Variants in CLEC2D observed in about 807,000 individuals in gnomAD.
The protein encoded by CLEC2D is C-type lectin domain family 2 member D.
In CLEC2D, 16 loss-of-function variants were observed where a neutral mutation model predicts 20.0. The ratio of observed to expected loss-of-function variants is 0.80; its 90% CI spans 0.54 to 1.22. The LOEUF is 1.22. Among genes scored for constraint, CLEC2D ranks in the 50% most tolerant of loss-of-function variants. The probability of loss-of-function intolerance (pLI) is 0.00; values close to 1 mark genes in which losing one functional copy is unlikely to be tolerated. For synonymous variants in CLEC2D, 77 were observed against 71.1 expected (o/e 1.08, Z -0.42); for missense variants, 207 against 221.5 (o/e 0.93, Z 0.42).
At position 9,694,756 on chromosome 12, in the gene CLEC2D, G is replaced by T. The variant is rs769718760; in HGVS notation, c.462-4G>T. On this transcript the variant is annotated splice_region_variant and splice_polypyrimidine_tract_variant and intron_variant, in intron 4 of 4. Transcript: ENST00000290855. ...GCCAACTGATTCTGCTTCTTCTCTT[G>T]CAGGTTTCCTATCCTGGGAGCAGGA... 8 of 1,558,608 alleles carry T rather than the reference G, an allele frequency of 5.1e-6. No individual in the cohort carries two copies. In the South Asian group the frequency reaches 6.7e-5, roughly 13 times the overall value.
chr12:9,678,743 G>A (rs926073817), intron 1 of CLEC2D, among the ~76,000 whole-genome samples: 4 of 152,216 alleles, frequency 2.6e-5, no homozygotes, highest in East Asian at 1.9e-4. Flanking sequence ...TCTTTGCTAC[G>A]TTGCCCAGGC....
At position 9,695,610 on chromosome 12, in the gene CLEC2D, G is replaced by A; in HGVS notation, c.*736G>A. 2 of 1,553,468 alleles carry A rather than the reference G, an allele frequency of 1.3e-6. No individual in the cohort carries two copies. Among genetic ancestry groups the A allele is most frequent in the East Asian group, 2.2e-5 (1 of 44,576 alleles). ...AAGGCAGTCCAATTAAAGTAACACTGGCAACTTTGAAAATGTCTGTACAGC... is the reference window on the plus strand; with the variant it reads ...AAGGCAGTCCAATTAAAGTAACACTAGCAACTTTGAAAATGTCTGTACAGC... On this transcript the variant is annotated 3_prime_UTR_variant, in exon 5 of 5. Transcript: ENST00000290855.
intron 2 of CLEC2D, among the ~76,000 whole-genome samples, chr12:9,682,847 A>G (rs1865663365): frequency 1.3e-5 from 2 of 152,168 alleles, no homozygotes; most frequent in Admixed American, 6.5e-5. Context: ...ATGTGTCTTT[A>G]TAGTAGAATG....
rs901250899 is a variant in CLEC2D at position 9,671,151 on chromosome 12, GA to G, written c.61+1365del. 1.7e-4 allele frequency among the ~76,000 whole-genome samples: 25 copies of G among 150,624 alleles called. 1 individual carries two copies. The highest frequency in any genetic ancestry group is 4.9e-4 in the African/African-American group (20 of 41,116). On this transcript the variant is annotated intron_variant, in intron 1 of 4. Transcript: ENST00000290855. ...GTGGCAGACGGACAGTGAGAAAGAAGAAAAAAAAAGCAAGAGGTTTGGCCCC... is the reference window on the plus strand; with the variant it reads ...GTGGCAGACGGACAGTGAGAAAGAAGAAAAAAAAGCAAGAGGTTTGGCCCC...
chr12:9,690,124 A>G (rs187051162), intron 3 of CLEC2D, among the ~76,000 whole-genome samples: 7 of 152,250 alleles, frequency 4.6e-5, no homozygotes, highest in Admixed American at 4.6e-4. Context: ...GAAGCAACTC[A>G]TCATTTACAT....
At chr12:9,687,776 A>G (rs1865779632) in intron 2 of CLEC2D, 126 bp from the exon 3 acceptor site, 3 of 538,016 alleles carry the variant, frequency 5.6e-6, no homozygotes, top group South Asian at 9.6e-5. Context: ...TTCTCACTTG[A>G]AAAATGAAAA....
chr12:9,678,822 T>A (rs1331774274), intron 1 of CLEC2D, among the ~76,000 whole-genome samples: 1 of 152,210 alleles, frequency 6.6e-6, no homozygotes, highest in Non-Finnish European at 1.5e-5. Flanking sequence ...ATTATAAGTG[T>A]AAGCTACAAC....
Position 9,682,235 on chromosome 12 carries a change from T to A in CLEC2D, c.172+1202T>A, listed in dbSNP as rs187336787. ...ATTATGTATTACTTTATATCATTTT[T>A]ATGTTTTATTTAACATTTAGATTGT... On this transcript the variant is annotated intron_variant, in intron 2 of 4. Coordinates refer to ENST00000290855, the MANE Select transcript of CLEC2D (RefSeq NM_013269.6). Among the ~76,000 whole-genome samples the A allele has an allele frequency of 1.1e-4, 16 of 152,340 alleles. No individual in the cohort carries two copies. In the East Asian group the frequency reaches 2.5e-3, roughly 24 times the overall value.
chr12:9,686,482 G>A (rs1865752777), intron 2 of CLEC2D, among the ~76,000 whole-genome samples: 1 of 151,954 alleles, frequency 6.6e-6, no homozygotes, highest in African/African-American at 2.4e-5. Flanking sequence ...TACAATACAC[G>A]TTTGCCTCAT....
At chr12:9,691,931 TAAAG>T (rs1865871959) in intron 3 of CLEC2D, among the ~76,000 whole-genome samples, 1 of 152,292 alleles carries the variant, frequency 6.6e-6, no homozygotes, top group African/African-American at 2.4e-5. Context: ...TTACTAATAA[TAAAG>T]AAAATTGTTT....
At chr12:9,684,807 T>C (rs1490345192) in intron 2 of CLEC2D, among the ~76,000 whole-genome samples, 1 of 152,216 alleles carries the variant, frequency 6.6e-6, no homozygotes, top group Non-Finnish European at 1.5e-5. Flanking sequence ...GATTTTTGCA[T>C]TGATGTTCAT....
rs964215749 is a variant in CLEC2D, at chr12:9,696,456, A to G, written c.*1582A>G. The G allele has an allele frequency of 5.5e-5, 23 of 420,888 alleles. No homozygotes were observed. Among genetic ancestry groups the G allele is most frequent in the Non-Finnish European group, 8.8e-5 (20 of 227,122 alleles). 26.1% of individuals were successfully genotyped at this position (420,888 alleles called of 1,614,324 possible). ...TGGTTTTAAGTATGTATGGGATGCT[A>G]TGATAGGACATAGTAGTAGCAGTGG... On this transcript the variant is annotated 3_prime_UTR_variant, in exon 5 of 5. Coordinates refer to ENST00000290855, the MANE Select transcript of CLEC2D (RefSeq NM_013269.6).
intron 1 of CLEC2D, among the ~76,000 whole-genome samples, chr12:9,673,785 T>G (rs999949317): frequency 2.0e-5 from 3 of 152,198 alleles, no homozygotes; most frequent in African/African-American, 7.2e-5. Flanking sequence ...TGAGGAGGGA[T>G]GGCTCAGGGT....
chr12:9,694,495 C>A (rs1219591007), intron 4 of CLEC2D, among the ~76,000 whole-genome samples: 1 of 152,160 alleles, frequency 6.6e-6, no homozygotes, highest in Non-Finnish European at 1.5e-5. Flanking sequence ...CATCAGCCAG[C>A]TAAGGCTTTG....
intron 3 of CLEC2D, among the ~76,000 whole-genome samples, chr12:9,690,554 A>C (rs749160242): frequency 6.6e-6 from 1 of 152,192 alleles, no homozygotes; most frequent in South Asian, 2.1e-4. Context: ...TAGGCAAATG[A>C]ATAAAAATTA....
rs1865389347 is a variant in CLEC2D at position 9,670,320 on chromosome 12, G to GA, written c.61+532dup. ...AGCTTTATATGATGCTTTAGTAAGT[G>GA]AAAAAAATGACTTTTGCCACAGTTA... On this transcript the variant is annotated intron_variant, in intron 1 of 4. Coordinates refer to ENST00000290855, the MANE Select transcript of CLEC2D (RefSeq NM_013269.6). Among the ~76,000 whole-genome samples, 6 of 152,142 alleles carry GA rather than the reference G, an allele frequency of 3.9e-5. 1 individual carries two copies. Among genetic ancestry groups the GA allele is most frequent in the Admixed American group, 2.0e-4 (3 of 15,290 alleles).
intron 2 of CLEC2D, among the ~76,000 whole-genome samples, chr12:9,685,941 C>T (rs1211495253): frequency 2.6e-5 from 4 of 152,092 alleles, no homozygotes; most frequent in African/African-American, 4.8e-5. Flanking sequence ...CTGCCCAAAT[C>T]GCCACCCAGT....
rs1866074530 is a variant in CLEC2D at position 9,699,378 on chromosome 12, T to G, written c.*4504T>G. On this transcript the variant is annotated 3_prime_UTR_variant, in exon 5 of 5. Coordinates refer to ENST00000290855, the MANE Select transcript of CLEC2D (RefSeq NM_013269.6). ...GTATACACTGGAAATCTCAGGAAAT[T>G]TCTTTTTTCCTTAAGCTTAATTGAA... The G allele has an allele frequency of 6.6e-6, 1 of 152,228 alleles. No homozygotes were observed. Among genetic ancestry groups the G allele is most frequent in the African/African-American group, 2.4e-5 (1 of 41,460 alleles). 9.4% of individuals were successfully genotyped at this position (152,228 alleles called of 1,614,324 possible).
chr12:9,681,881 A>T, intron 2 of CLEC2D, among the ~76,000 whole-genome samples: 1 of 152,208 alleles, frequency 6.6e-6, no homozygotes, highest in East Asian at 1.9e-4. Context: ...TACATTTATG[A>T]AGCAAAAATA....
Sources: allele counts gnomAD v4.1 joint callset (sites outside exome capture counted in the v4.1 genomes callset), GRCh38; gene constraint gnomAD v4.1.1; transcripts MANE v1.5; gene names NCBI Gene and HGNC (gene_info 2026-07-23, HGNC 2026-07-21).